GALK2: variants seen among roughly 807,000 people sequenced by gnomAD.
GALK2 encodes the protein galactokinase 2, also known as N-acetylgalactosamine kinase.
GALK2 carries 36 observed loss-of-function variants against 52.4 expected under a neutral mutation model. That is an observed-to-expected ratio of 0.69 (90% CI 0.53 to 0.91). GALK2 has a LOEUF of 0.91. GALK2 is among the 40% of genes least tolerant of loss of function. The pLI is 0.00. For synonymous variants in GALK2, 176 were observed against 199.1 expected (o/e 0.88, Z 0.98); for missense variants, 579 against 559.1 (o/e 1.04, Z -0.36).
chr15:49,177,352 A>T (rs2085543765), intron 1 of GALK2, among the ~76,000 whole-genome samples: 1 of 145,684 alleles, frequency 6.9e-6, no homozygotes, highest in Non-Finnish European at 1.5e-5. Flanking sequence ...TGTATCACAC[A>T]GTATGTTTTA....
rs370217644 is a variant in GALK2, at chr15:49,328,095, C to T, written c.1313C>T (p.Pro438Leu). Residue 438 changes from proline (P) to leucine (L), a missense_variant, in exon 10 of 10, where the codon CCG (proline) becomes CTG (leucine). Coordinates refer to ENST00000560031, the MANE Select transcript of GALK2 (RefSeq NM_002044.4). Reference protein sequence around the residue: ...YYQRSDGSLAPEKQSLFATKP... With the variant: ...YYQRSDGSLALEKQSLFATKP... ...CAGAGGAGTGATGGAAGCTTAGCAC[C>T]GGAGAAGCAAAGTTTGTTTGCTACC... 3.0e-5 allele frequency: 48 copies of T among 1,613,938 alleles called. No homozygotes were observed. The highest frequency in any genetic ancestry group is 1.8e-4 in the East Asian group (8 of 44,866).
Position 49,367,310 on chromosome 15 carries a change from A to G in GALK2, c.427-181A>G, listed in dbSNP as rs566762885. The G allele has an allele frequency of 9.1e-4, 655 of 717,978 alleles. 19 individuals carry two copies. The South Asian group carries it at 0.021, about 23-fold the overall frequency. The allele number at this position is 717,978 out of a possible 1,614,324, so 44.5% of individuals were successfully genotyped here. On this transcript the variant is annotated intron_variant, in intron 3 of 3. Coordinates refer to the GALK2 transcript ENST00000558399. ...CAAACATACTACCAAAGTTTTAAGC[A>G]TAAGTAAATATTAATACTAAACAGA...
chr15:49,219,746 G>A (rs181607481), intron 3 of GALK2, among the ~76,000 whole-genome samples: 108 of 152,326 alleles, frequency 7.1e-4, no homozygotes, highest in African/African-American at 2.5e-3. Context: ...CGGAGGTGGA[G>A]GTTGCAGTGA....
chr15:49,355,923 G>C, intron 3 of GALK2, among the ~76,000 whole-genome samples: 1 of 151,776 alleles, frequency 6.6e-6, no homozygotes, highest in Admixed American at 6.6e-5. Context: ...AGAAGAGAGT[G>C]GGGGCCAATA....
At chr15:49,170,478 C>T (rs868128175) in intron 1 of GALK2, 103 bp downstream of exon 1, 2 of 1,218,042 alleles carry the variant, frequency 1.6e-6, no homozygotes, top group Admixed American at 4.2e-5. Context: ...CTTTTGGTCC[C>T]GGGGAGCAAG....
At chr15:49,362,144 G>A (rs2044351023) in intron 3 of GALK2, among the ~76,000 whole-genome samples, 1 of 151,972 alleles carries the variant, frequency 6.6e-6, no homozygotes, top group African/African-American at 2.4e-5. Flanking sequence ...GTTTGGCTCT[G>A]TGTCCCCACC....
intron 5 of GALK2, among the ~76,000 whole-genome samples, chr15:49,254,628 A>T (rs1879314283): frequency 6.9e-6 from 1 of 144,326 alleles, no homozygotes. Context: ...GATAAAGCAG[A>T]GAATTTGGAT....
chr15:49,167,329 A>T (rs902685787), upstream of GALK2, among the ~76,000 whole-genome samples: 22 of 152,178 alleles, frequency 1.4e-4, no homozygotes, highest in African/African-American at 5.3e-4. Context: ...GAAAATAAAA[A>T]TACTGTAAAA....
At position 49,319,628 on chromosome 15, in the gene GALK2, G is replaced by A. The variant is rs1017671926; in HGVS notation, c.992G>A (p.Arg331Gln). 1.7e-5 allele frequency: 28 copies of A among 1,613,938 alleles called. No homozygotes were observed. The Admixed American group carries it at 1.8e-4, about 11-fold the overall frequency. ...GTGCTCATCTTCAAACTCTATCAGC[G>A]GGCAAAGCATGTGTACAGCGAGGCT... ...QDVLIFKLYQ[R>Q]AKHVYSEAAR... Residue 331 changes from arginine to glutamine, a missense_variant, in exon 9 of 10, where the codon CGG becomes CAG. By Grantham distance (43) the Arg-to-Gln change is conservative. Transcript: ENST00000560031.
intron 2 of GALK2, 137 bp from the exon 3 acceptor site, chr15:49,217,053 T>C (rs2089437590): frequency 1.5e-6 from 1 of 650,584 alleles, no homozygotes. Flanking sequence ...TATTTGGCCA[T>C]CTTGCTCTGC....
intron 5 of GALK2, among the ~76,000 whole-genome samples, chr15:49,246,816 TC>T (rs2091373820): frequency 6.6e-6 from 1 of 152,152 alleles, no homozygotes; most frequent in Non-Finnish European, 1.5e-5. Flanking sequence ...CAGATAAACT[TC>T]CTAACCTACC....
intron 3 of GALK2, among the ~76,000 whole-genome samples, chr15:49,218,270 A>G (rs2089539144): frequency 6.6e-6 from 1 of 152,192 alleles, no homozygotes; most frequent in Non-Finnish European, 1.5e-5. Flanking sequence ...GTTTGATAAT[A>G]TATCTTGTGT....
chr15:49,234,641 G>A (rs1485817138), intron 3 of GALK2, among the ~76,000 whole-genome samples: 1 of 152,092 alleles, frequency 6.6e-6, no homozygotes, highest in Admixed American at 6.5e-5. Context: ...CATGACAAAA[G>A]CACAAGAAAG....
chr15:49,260,425 C>T (rs1010625025), intron 5 of GALK2, among the ~76,000 whole-genome samples: 34 of 148,222 alleles, frequency 2.3e-4, no homozygotes, highest in Middle Eastern at 3.5e-3. Context: ...TTGTTTTTTT[C>T]TTGTAAATTT....
intron 3 of GALK2, among the ~76,000 whole-genome samples, chr15:49,337,508 C>CTTTTTTTTTTTTTTT (rs33973907): frequency 8.3e-5 from 3 of 36,088 alleles, no homozygotes; most frequent in African/African-American, 1.2e-4. Context: ...CATTTACCCA[C>CTTTTTTTTTTTTTTT]TTTTTTTTTT....
intron 1 of GALK2, among the ~76,000 whole-genome samples, chr15:49,193,677 T>C (rs1745907720): frequency 6.6e-6 from 1 of 152,006 alleles, no homozygotes; most frequent in Non-Finnish European, 1.5e-5. Flanking sequence ...AATTTTACCT[T>C]TTCCCAGAAG....
At chr15:49,186,136 A>G (rs777696945) in intron 1 of GALK2, among the ~76,000 whole-genome samples, 7 of 152,074 alleles carry the variant, frequency 4.6e-5, no homozygotes, top group Non-Finnish European at 1.0e-4. Flanking sequence ...GTACTTGAAT[A>G]TTGATATATT....
At chr15:49,283,121 G>T (rs1434309024) in intron 6 of GALK2, among the ~76,000 whole-genome samples, 1 of 152,114 alleles carries the variant, frequency 6.6e-6, no homozygotes, top group South Asian at 2.1e-4. Flanking sequence ...CCCTGGACTT[G>T]CCTAAGTTCT....
intron 5 of GALK2, among the ~76,000 whole-genome samples, chr15:49,254,384 T>C (rs76884531): frequency 6.9e-6 from 1 of 144,472 alleles, no homozygotes; most frequent in African/African-American, 2.5e-5. Flanking sequence ...CATTCAGAGA[T>C]TATCTGATTA....
Sources: gnomAD v4.1 joint callset for allele counts (sites outside exome capture counted in the v4.1 genomes callset) on GRCh38, gnomAD v4.1.1 for gene constraint, MANE v1.5 for transcripts, NCBI Gene and HGNC (gene_info 2026-07-23, HGNC 2026-07-21) for gene names.